Variants in TOGARAM1 observed in about 807,000 individuals in gnomAD.
TOGARAM1 encodes the protein TOG array regulator of axonemal microtubules protein 1.
In TOGARAM1, 100 loss-of-function variants were observed where a neutral mutation model predicts 166.6. The observed-to-expected ratio is 0.60, with a 90% CI of 0.51 to 0.71. The LOEUF (loss-of-function observed/expected upper bound fraction) is 0.71, where lower values mean the gene tolerates loss of function less well. Among genes scored for constraint, TOGARAM1 ranks in the 30% least tolerant of loss-of-function variants. TOGARAM1 has a pLI of 0.00. For synonymous variants in TOGARAM1, 758 were observed against 763.8 expected (o/e 0.99, Z 0.13); for missense variants, 2,029 against 2,102.7 (o/e 0.96, Z 0.69).
intron 1 of TOGARAM1, among the ~76,000 whole-genome samples, chr14:44,979,988 A>G (rs1209320582): frequency 6.6e-6 from 1 of 152,148 alleles, no homozygotes; most frequent in Non-Finnish European, 1.5e-5. Context: ...AGCAAAGTAT[A>G]TTAGTGTTAT....
chr14:44,984,444 T>C (rs1271142996), intron 1 of TOGARAM1, among the ~76,000 whole-genome samples: 2 of 151,948 alleles, frequency 1.3e-5, no homozygotes, highest in Non-Finnish European at 2.9e-5. Flanking sequence ...ACCTTAAAAG[T>C]ATATTAAATA....
intron 7 of TOGARAM1, among the ~76,000 whole-genome samples, chr14:45,019,880 C>T (rs1042957163): frequency 6.6e-6 from 1 of 152,132 alleles, no homozygotes; most frequent in Non-Finnish European, 1.5e-5. Context: ...CTAACTGCTT[C>T]CTGCTGAATT....
rs1882539627 is a variant in TOGARAM1, at chr14:45,054,532, T to G, written c.4542T>G (p.Ala1514=). The part of the protein sequence containing the change: ...NTRSSSVSRD[A]FNSAERAVTE... ...GATCATCATCTGTTTCTAGAGATGCTTTCAATTCAGCTGAAAGGTAAGATG... is the reference window on the plus strand; with the variant it reads ...GATCATCATCTGTTTCTAGAGATGCGTTCAATTCAGCTGAAAGGTAAGATG... The change falls in exon 16 of 20, where the codon GCT becomes GCG. Residue 1514 remains alanine (A), a synonymous_variant. Transcript: ENST00000361462. 2 of 1,609,002 alleles carry G rather than the reference T, an allele frequency of 1.2e-6. No homozygotes were observed. Among genetic ancestry groups the G allele is most frequent in the Non-Finnish European group, 1.7e-6 (2 of 1,176,104 alleles).
At chr14:45,043,006 A>G (rs942653858) in intron 11 of TOGARAM1, among the ~76,000 whole-genome samples, 3 of 152,156 alleles carry the variant, frequency 2.0e-5, no homozygotes, top group Non-Finnish European at 4.4e-5. Flanking sequence ...AGCACCTAAG[A>G]ATCATACTGG....
In TOGARAM1 at chr14:45,073,841, C is replaced by G. The variant is rs1312018723; in HGVS notation, c.*280C>G. The stretch of plus-strand genomic sequence containing the variant: ...TTGAGAAAAGTCCTGCTCATTTGCA[C>G]TATTCTATAGAAACTACAATTTGTT... On this transcript the variant is annotated 3_prime_UTR_variant, in exon 20 of 20. Coordinates refer to ENST00000361462, the MANE Select transcript of TOGARAM1 (RefSeq NM_001308120.2). 3.5e-6 allele frequency: 1 copy of G among 281,968 alleles called. No individual in the cohort carries two copies. The highest frequency in any genetic ancestry group is 6.6e-6 in the Non-Finnish European group (1 of 150,604). The allele number at this position is 281,968 out of a possible 1,614,324, so 17.5% of individuals were successfully genotyped here. A position where few individuals can be genotyped will look rare whatever the true frequency, so the allele number is the denominator to read the frequency against.
chr14:44,964,213 G>T lies in TOGARAM1; in HGVS notation c.1792G>T (p.Gly598Trp), dbSNP rs373580836. The change falls in exon 1 of 20, where the codon GGG (glycine) becomes TGG (tryptophan). Residue 598 changes from glycine (G) to tryptophan (W), a missense_variant. Coordinates refer to ENST00000361462, the MANE Select transcript of TOGARAM1 (RefSeq NM_001308120.2). ...EYAVLMPSSAGGRSNHLAHGA... is the reference protein window; with the variant it reads ...EYAVLMPSSAWGRSNHLAHGA... ...TGCAGTACTGATGCCATCTTCTGCC[G>T]GGGGTAGGTCAAACCATTTGGCACA... The T allele has an allele frequency of 2.5e-6, 4 of 1,614,148 alleles. No homozygotes were observed. The highest frequency in any genetic ancestry group is 2.5e-6 in the Non-Finnish European group (3 of 1,180,020).
rs904778176 is a variant in TOGARAM1, at chr14:44,999,044, G to A, written c.2204-319G>A. On this transcript the variant is annotated intron_variant, in intron 2 of 19. Coordinates refer to ENST00000361462, the MANE Select transcript of TOGARAM1 (RefSeq NM_001308120.2). Reference sequence around the variant, plus strand: ...GGTAATGCGTATACTACAAATACTGGGAAGAAAGCAAGCCAGGTCTGGAGA... The same window carrying A: ...GGTAATGCGTATACTACAAATACTGAGAAGAAAGCAAGCCAGGTCTGGAGA... 9.2e-5 allele frequency among the ~76,000 whole-genome samples: 14 copies of A among 152,274 alleles called. No individual in the cohort carries two copies. In the East Asian group the frequency reaches 2.5e-3, roughly 27 times the overall value.
chr14:44,978,515 A>G (rs1236888463), intron 1 of TOGARAM1, among the ~76,000 whole-genome samples: 1 of 152,214 alleles, frequency 6.6e-6, no homozygotes, highest in Non-Finnish European at 1.5e-5. Context: ...TTACTAAAAG[A>G]AGATCAAAAC....
At chr14:45,069,857 A>G (rs908831862) in intron 18 of TOGARAM1, among the ~76,000 whole-genome samples, 1 of 152,152 alleles carries the variant, frequency 6.6e-6, no homozygotes, top group African/African-American at 2.4e-5. Context: ...AAAAAAGAAC[A>G]AAATATTAGG....
At chr14:45,033,970 A>T (rs1024499458) in intron 11 of TOGARAM1, among the ~76,000 whole-genome samples, 2 of 152,164 alleles carry the variant, frequency 1.3e-5, no homozygotes, top group East Asian at 3.9e-4. Context: ...CCTGGCCAAC[A>T]TGGTAAAACC....
In TOGARAM1 at chr14:45,009,123, A is replaced by G; in HGVS notation, c.3115A>G (p.Thr1039Ala). 2.5e-6 allele frequency: 4 copies of G among 1,612,666 alleles called. No individual in the cohort carries two copies. Among genetic ancestry groups the G allele is most frequent in the Non-Finnish European group, 3.4e-6 (4 of 1,178,942 alleles). ...ATCATTGACTTCTTCTCTGTCTACA[A>G]CTCCCCAGGGGAAGAGAATAATGTA... ...QESLTSSLST[T>A]PQGKRIMSDI... Residue 1039 changes from threonine to alanine, a missense_variant, in exon 6 of 20, where the codon ACT becomes GCT. By Grantham distance (58) the Thr-to-Ala change is moderately conservative (BLOSUM62 0). This residue lies in a region of TOGARAM1 where 1,453 missense variants were observed against 1,432.2 expected (regional missense o/e 1.01). Transcript: ENST00000361462.
chr14:45,012,114 T>C (rs769710032), intron 7 of TOGARAM1, 39 bp downstream of exon 7: 6 of 1,310,126 alleles, frequency 4.6e-6, no homozygotes, highest in Non-Finnish European at 6.3e-6. Flanking sequence ...TTATAAAATA[T>C]GATTTTCAAA....
In TOGARAM1 at chr14:45,044,622, A is replaced by G. The variant is rs768576581; in HGVS notation, c.3919-13A>G. 1.3e-6 allele frequency: 2 copies of G among 1,559,026 alleles called. No individual in the cohort carries two copies. Among genetic ancestry groups the G allele is most frequent in the East Asian group, 4.5e-5 (2 of 44,304 alleles). ...GAATATCAGCAAAATGTACATTTTG[A>G]ATTTTTTTTTAGGTGAAAAATTTAC... is the stretch of plus-strand genomic sequence containing the variant. On this transcript the variant is annotated splice_polypyrimidine_tract_variant and intron_variant, in intron 12 of 19. Coordinates refer to ENST00000361462, the MANE Select transcript of TOGARAM1 (RefSeq NM_001308120.2).
intron 10 of TOGARAM1, among the ~76,000 whole-genome samples, chr14:45,029,411 A>G (rs1465691669): frequency 6.6e-6 from 1 of 152,196 alleles, no homozygotes; most frequent in Non-Finnish European, 1.5e-5. Flanking sequence ...TTTTGCCTAC[A>G]ATGTAGGCTT....
At chr14:45,023,657 A>G (rs569325017) in intron 7 of TOGARAM1, among the ~76,000 whole-genome samples, 30 of 152,250 alleles carry the variant, frequency 2.0e-4, no homozygotes, top group Admixed American at 7.8e-4. Flanking sequence ...TTTCTGTGAC[A>G]TATAAAGAAA....
Position 45,045,682 on chromosome 14 carries a change from CACATATAT to C in TOGARAM1, c.4154+816_4154+823del, listed in dbSNP as rs1205381217. ...ACACATATATATGTGTATATATATA[CACATATAT>C]ACACATATATATGTGTATATATATA... On this transcript the variant is annotated intron_variant, in intron 13 of 19. Coordinates refer to ENST00000361462, the MANE Select transcript of TOGARAM1 (RefSeq NM_001308120.2). 1.8e-4 allele frequency among the ~76,000 whole-genome samples: 15 copies of C among 85,620 alleles called. No individual in the cohort carries two copies. In the East Asian group the frequency reaches 3.6e-3, roughly 20 times the overall value. The allele number at this position is 85,620 out of a possible 152,430, so 56.2% of individuals were successfully genotyped here.
chr14:45,024,199 G>A (rs879728497), intron 7 of TOGARAM1, among the ~76,000 whole-genome samples: 1 of 152,050 alleles, frequency 6.6e-6, no homozygotes, highest in Non-Finnish European at 1.5e-5. Context: ...TTTCCTAGTT[G>A]TAATGGTCCA....
At chr14:44,992,290 G>A (rs1018389112) in intron 1 of TOGARAM1, among the ~76,000 whole-genome samples, 6 of 151,986 alleles carry the variant, frequency 3.9e-5, no homozygotes, top group Admixed American at 1.3e-4. Flanking sequence ...GTTTACAGAA[G>A]GTAACTGTGG....
intron 1 of TOGARAM1, among the ~76,000 whole-genome samples, chr14:44,994,376 C>T (rs988573733): frequency 6.6e-6 from 1 of 151,982 alleles, no homozygotes; most frequent in African/African-American, 2.4e-5. Context: ...ACCTTGGCCT[C>T]TCAAAGTGCT....
Sources: gnomAD v4.1 joint callset for allele counts (sites outside exome capture counted in the v4.1 genomes callset) on GRCh38, gnomAD v4.1.1 for gene constraint, gnomAD v4.1.1 regional missense constraint, MANE v1.5 for transcripts, NCBI Gene and HGNC (gene_info 2026-07-23, HGNC 2026-07-21) for gene names.